The following CLCN7 variants were observed in gnomAD, a reference collection of about 807,000 sequenced individuals.
The protein encoded by CLCN7 is Cl-/H+ antiporter 7.
Under a neutral mutation model 102.1 loss-of-function variants are expected in CLCN7, and 60 were observed. That is an observed-to-expected ratio of 0.59 (90% CI 0.48 to 0.73). The LOEUF (loss-of-function observed/expected upper bound fraction) is 0.73, where lower values mean the gene tolerates loss of function less well. Ranked by LOEUF, CLCN7 falls within the 30% of genes least tolerant of loss-of-function variation. The pLI, the probability that CLCN7 is intolerant of heterozygous loss-of-function variation, is 0.00. For missense variants in CLCN7, 962 were observed against 1,125.7 expected (o/e 0.85, Z 2.08); for synonymous variants, 560 against 490.5 (o/e 1.14, Z -1.87).
chr16:1,466,348 G>T (rs1348066418), intron 1 of CLCN7, among the ~76,000 whole-genome samples: 1 of 152,222 alleles, frequency 6.6e-6, no homozygotes, highest in Non-Finnish European at 1.5e-5. Flanking sequence ...TCCCGCACCA[G>T]GTTTCAGCAG....
chr16:1,471,870 G>A (rs1380349644), intron 1 of CLCN7: 2 of 152,300 alleles, frequency 1.3e-5, no homozygotes, highest in East Asian at 3.9e-4. Flanking sequence ...AGCTTCCCAT[G>A]GGCTCCCCTA....
At position 1,457,083 on chromosome 16, in the gene CLCN7, C is replaced by T. The variant is rs1246448645; in HGVS notation, c.822+171G>A. ...GGGAAGCAGCGGGCCGTAGGGAGGC[C>T]TTGCCGGGCAGGGACTGTGCCCGCT... On this transcript the variant is annotated intron_variant, in intron 9 of 24. Transcript: ENST00000382745. The surrounding 1 kb of genome is among the most constrained non-coding windows in gnomAD (Gnocchi z 5.4). Among the ~76,000 whole-genome samples the T allele has an allele frequency of 6.6e-6, 1 of 152,162 alleles. No individual in the cohort carries two copies. The highest frequency in any genetic ancestry group is 1.5e-5 in the Non-Finnish European group (1 of 68,014).
chr16:1,460,411 CA>C lies in CLCN7; in HGVS notation c.594+6del. On this transcript the variant is annotated splice_donor_region_variant and intron_variant, in intron 6 of 24. Transcript: ENST00000382745. Reference sequence around the variant, plus strand: ...GTCCGCCATAGCTGCGGCATCCTGCCACCCACCTCTATGAAAGCCACAATCA... The same window carrying C: ...GTCCGCCATAGCTGCGGCATCCTGCCCCCACCTCTATGAAAGCCACAATCA... 1.9e-6 allele frequency: 3 copies of C among 1,607,494 alleles called. No individual in the cohort carries two copies. Among genetic ancestry groups the C allele is most frequent in the Non-Finnish European group, 2.6e-6 (3 of 1,174,540 alleles).
rs2038754314 is a variant in CLCN7 at position 1,451,701 on chromosome 16, C to T, written c.1369G>A (p.Gly457Ser). Residue 457 changes from glycine (G) to serine (S), a missense_variant, in exon 16 of 25, where the codon GGC becomes AGC. Gly to Ser is a moderately conservative substitution (Grantham distance 56, BLOSUM62 0). Around this residue, in one of 2 missense-constraint regions of CLCN7, gnomAD observed 799 missense variants for 988.0 expected, o/e 0.81. Transcript: ENST00000382745. ...SYPLQLFCAD[G>S]EYNSMAAAFF... is the part of the protein sequence containing the mutation. ...GCCGCAGCCATGGAGTTGTACTCGC[C>T]ATCTGCACAAAAGAGCTGTGGGGTC... The T allele has an allele frequency of 6.2e-7, 1 of 1,612,710 alleles. No homozygotes were observed. Among genetic ancestry groups the T allele is most frequent in the East Asian group, 2.2e-5 (1 of 44,884 alleles).
intron 13 of CLCN7, 74 bp from the exon 14 acceptor site, chr16:1,453,968 G>A: frequency 6.8e-7 from 1 of 1,477,032 alleles, no homozygotes; most frequent in East Asian, 2.3e-5. Context: ...CTCCCAGATG[G>A]CAGGAGAAGC....
Position 1,449,002 on chromosome 16 carries a change from G to C in CLCN7, c.1761C>G (p.Leu587=), listed in dbSNP as rs201691721. 1.1e-4 allele frequency: 174 copies of C among 1,612,814 alleles called. No homozygotes were observed. The highest frequency in any genetic ancestry group is 1.8e-5 in the Non-Finnish European group (21 of 1,180,004). The change falls in exon 19 of 25, where the codon CTC becomes CTG. Residue 587 remains leucine (L), a synonymous_variant. Coordinates refer to ENST00000382745, the MANE Select transcript of CLCN7 (RefSeq NM_001287.6). ...VTYGFPIMLV[L]MTAKIVGDVF... is the part of the protein sequence containing the mutation. ...CGTCGCCCACGATCTTGGCGGTCAT[G>C]AGCACCAGCATGATGGGGAAGCCGT...
chr16:1,460,271 T>G, intron 6 of CLCN7, 147 bp downstream of exon 6: 13 of 681,500 alleles, frequency 1.9e-5, no homozygotes, highest in Non-Finnish European at 2.9e-5. Flanking sequence ...CCTGAGGTTG[T>G]GAGTCTGGAC....
intron 1 of CLCN7, among the ~76,000 whole-genome samples, chr16:1,465,885 C>T (rs2038998737): frequency 6.6e-6 from 1 of 152,238 alleles, no homozygotes; most frequent in Non-Finnish European, 1.5e-5. Context: ...GCCGCCCCAG[C>T]TCAGGGCAGG....
Position 1,452,887 on chromosome 16 carries a change from G to T in CLCN7, c.1221C>A (p.Ile407=). 1 of 1,566,756 alleles carries T rather than the reference G, an allele frequency of 6.4e-7. No homozygotes were observed. ...CAATCACCTGCAGGCAGGGCCGGTG[G>T]ATGTACCTGGAACCAAGAATCAGGC... is the stretch of plus-strand genomic sequence containing the variant. The part of the protein sequence containing the change: ...YWLTMFRIRY[I]HRPCLQVIEA... Residue 407 remains isoleucine, a synonymous_variant, in exon 15 of 25, where the codon ATC becomes ATA. Transcript: ENST00000382745.
At chr16:1,454,045 A>C in intron 13 of CLCN7, 151 bp from the exon 14 acceptor site, 1 of 754,906 alleles carries the variant, frequency 1.3e-6, no homozygotes, top group Non-Finnish European at 2.3e-6. Context: ...CTTCCTCCAC[A>C]TCATCACACC....
intron 1 of CLCN7, among the ~76,000 whole-genome samples, chr16:1,473,054 G>A (rs2039099029): frequency 6.7e-6 from 1 of 148,498 alleles, no homozygotes; most frequent in African/African-American, 2.6e-5. Context: ...ACAGGCATGA[G>A]CCACCACACC....
intron 19 of CLCN7, 47 bp downstream of exon 19, chr16:1,448,919 T>C: frequency 6.2e-7 from 1 of 1,609,464 alleles, no homozygotes; most frequent in Non-Finnish European, 8.5e-7. Context: ...CCCTCCCCTA[T>C]GGCAGCACCC....
intron 9 of CLCN7, among the ~76,000 whole-genome samples, chr16:1,456,820 A>G (rs1225032306): frequency 2.6e-5 from 4 of 151,386 alleles, no homozygotes; most frequent in Non-Finnish European, 5.9e-5. Flanking sequence ...CAGCCTGGGC[A>G]ACAGAGAGAC....
In CLCN7 at chr16:1,459,851, G is replaced by A. The variant is rs1382124260; in HGVS notation, c.594+567C>T. ...CAGGGAAGGGGAGCTCAGCACACAC[G>A]TCGGGGCCCCAGGGAAGGGGAGCTC... On this transcript the variant is annotated intron_variant, in intron 6 of 24. Coordinates refer to ENST00000382745, the MANE Select transcript of CLCN7 (RefSeq NM_001287.6). Among the ~76,000 whole-genome samples, 5 of 111,818 alleles carry A rather than the reference G, an allele frequency of 4.5e-5. No homozygotes were observed. The East Asian group carries it at 9.8e-4, about 22-fold the overall frequency. The allele number at this position is 111,818 out of a possible 152,430, so 73.4% of individuals were successfully genotyped here. A position where few individuals can be genotyped will look rare whatever the true frequency, so the allele number is the denominator to read the frequency against.
chr16:1,472,901 G>A (rs2039096914), intron 1 of CLCN7, among the ~76,000 whole-genome samples: 2 of 149,858 alleles, frequency 1.3e-5, no homozygotes, highest in Non-Finnish European at 3.0e-5. Flanking sequence ...CCAGTAGCTG[G>A]GACTACAGAT....
Position 1,447,666 on chromosome 16 carries a change from G to T in CLCN7, c.2062C>A (p.Leu688Ile). The change falls in exon 22 of 25, where the codon CTA (leucine) becomes ATA (isoleucine). Residue 688 changes from leucine to isoleucine, a missense_variant. Transcript: ENST00000382745. ...LILRSQLIVL[L>I]KHKVFVERSN... ...AGCCTGGCACGCACCTTGTGCTTTA[G>T]GAGAACGATGAGCTGGGAGCGCAGG... 6.4e-7 allele frequency: 1 copy of T among 1,558,046 alleles called. No homozygotes were observed. The highest frequency in any genetic ancestry group is 8.7e-7 in the Non-Finnish European group (1 of 1,151,340).
chr16:1,448,723 A>T lies in CLCN7; in HGVS notation c.1841T>A (p.Leu614Gln). Residue 614 changes from leucine (L) to glutamine (Q), a missense_variant, in exon 20 of 25, where the codon CTG becomes CAG. Transcript: ENST00000382745. ...TGAGGTGACCGGGGCCTCCCAGTGC[A>T]GGAAGGGCACACTCTGCAGCTGAAT... The part of the protein sequence containing the change: ...MHIQLQSVPF[L>Q]HWEAPVTSHS... 6.2e-7 allele frequency: 1 copy of T among 1,612,664 alleles called. No homozygotes were observed. The highest frequency in any genetic ancestry group is 8.5e-7 in the Non-Finnish European group (1 of 1,179,954).
intron 1 of CLCN7, among the ~76,000 whole-genome samples, chr16:1,469,902 C>T (rs1036373563): frequency 2.0e-5 from 3 of 152,222 alleles, no homozygotes; most frequent in Admixed American, 6.5e-5. Context: ...ACCACCGACC[C>T]GTGCTGCAGC....
chr16:1,454,550 A>T (rs1159205105), intron 12 of CLCN7, 85 bp from the exon 13 acceptor site: 6 of 1,303,166 alleles, frequency 4.6e-6, no homozygotes, highest in Non-Finnish European at 5.6e-6. Flanking sequence ...CCACCATCTT[A>T]AGAGAGCTGT....
Sources: gnomAD v4.1 joint callset for allele counts (sites outside exome capture counted in the v4.1 genomes callset) on GRCh38, gnomAD v4.1.1 for gene constraint, gnomAD v4.1.1 regional missense constraint, Gnocchi (gnomAD v3.1) non-coding constraint, MANE v1.5 for transcripts, NCBI Gene and HGNC (gene_info 2026-07-23, HGNC 2026-07-21) for gene names.